Variants in RBFOX1 observed in about 807,000 individuals in gnomAD.
RBFOX1 encodes RNA binding protein fox-1 homolog 1.
In RBFOX1, 8 loss-of-function variants were observed where a neutral mutation model predicts 57.7. The observed-to-expected ratio is 0.14, with a 90% CI of 0.08 to 0.25. The LOEUF is 0.25. RBFOX1 is among the 10% of genes least tolerant of loss of function. RBFOX1 has a pLI of 1.00. For missense variants in RBFOX1, 611 were observed against 548.5 expected (o/e 1.11, Z -1.14); for synonymous variants, 326 against 222.4 (o/e 1.47, Z -4.15).
intron 9 of RBFOX1, among the ~76,000 whole-genome samples, chr16:7,602,593 A>G (rs1195654004): frequency 6.6e-6 from 1 of 152,162 alleles, no homozygotes; most frequent in African/African-American, 2.4e-5. Context: ...GGTTATCCCA[A>G]GGGTCTCTTT....
rs564244135 is a variant in RBFOX1, at chr16:7,063,058, C to G, written c.27+10960C>G. ...GTTAAAGGTTTGCTAAAAGCCAACT[C>G]TTCATCATACCCTGCAATGCCTCCC... is the stretch of plus-strand genomic sequence containing the variant. On this transcript the variant is annotated intron_variant, in intron 4 of 15. Coordinates refer to ENST00000550418, the MANE Select transcript of RBFOX1 (RefSeq NM_018723.4). Among the ~76,000 whole-genome samples the G allele has an allele frequency of 2.4e-4, 36 of 152,106 alleles. No homozygotes were observed. The South Asian group carries it at 6.2e-3, about 26-fold the overall frequency.
At chr16:6,118,303 G>T (rs916916091) in intron 1 of RBFOX1, among the ~76,000 whole-genome samples, 3 of 152,024 alleles carry the variant, frequency 2.0e-5, no homozygotes, top group Non-Finnish European at 4.4e-5. Context: ...GTCCACTCAG[G>T]CTCCTATTAT....
chr16:7,205,333 C>T (rs1464638559), intron 4 of RBFOX1, among the ~76,000 whole-genome samples: 1 of 151,930 alleles, frequency 6.6e-6, no homozygotes, highest in Non-Finnish European at 1.5e-5. Flanking sequence ...GTCTGGCCAA[C>T]ATGGTGAAAC....
chr16:6,669,840 G>C (rs2098753187), intron 3 of RBFOX1, among the ~76,000 whole-genome samples: 1 of 152,170 alleles, frequency 6.6e-6, no homozygotes, highest in African/African-American at 2.4e-5. Context: ...CTCACCATGA[G>C]CCAGGCAGGC....
At chr16:5,469,287 T>A (rs555573838) in intron 2 of RBFOX1, among the ~76,000 whole-genome samples, 1 of 152,170 alleles carries the variant, frequency 6.6e-6, no homozygotes, top group South Asian at 2.1e-4. Context: ...ACACCCCCCA[T>A]GTAGACAAGT....
intron 3 of RBFOX1, among the ~76,000 whole-genome samples, chr16:6,937,322 C>G (rs769924228): frequency 9.2e-5 from 14 of 152,148 alleles, no homozygotes; most frequent in Non-Finnish European, 8.8e-5. Flanking sequence ...CCCCGAACAA[C>G]CACCCCACAT....
At chr16:6,996,192 T>C (rs368627356) in intron 3 of RBFOX1, among the ~76,000 whole-genome samples, 1 of 152,236 alleles carries the variant, frequency 6.6e-6, no homozygotes, top group African/African-American at 2.4e-5. Flanking sequence ...AATCATTGCC[T>C]TTTTGATTTC....
At chr16:6,716,504 A>G (rs2064851075) in intron 3 of RBFOX1, among the ~76,000 whole-genome samples, 1 of 152,170 alleles carries the variant, frequency 6.6e-6, no homozygotes, top group African/African-American at 2.4e-5. Flanking sequence ...CCATTTCAGC[A>G]ACTAAAATCT....
intron 1 of RBFOX1, among the ~76,000 whole-genome samples, chr16:5,455,544 C>A (rs1320836140): frequency 1.3e-5 from 2 of 152,182 alleles, no homozygotes; most frequent in African/African-American, 4.8e-5. Context: ...TTCTTTCATT[C>A]TTACCTAAGG....
intron 3 of RBFOX1, among the ~76,000 whole-genome samples, chr16:5,787,663 C>T (rs746279042): frequency 1.1e-4 from 17 of 152,100 alleles, no homozygotes; most frequent in East Asian, 1.9e-4. Context: ...AGCTGGATCT[C>T]GCAGAGAGGG....
intron 4 of RBFOX1, among the ~76,000 whole-genome samples, chr16:7,466,259 A>G (rs186890566): frequency 1.3e-5 from 2 of 152,334 alleles, no homozygotes; most frequent in East Asian, 3.9e-4. Context: ...TATTGTACGT[A>G]CAGTTAATGT....
intron 1 of RBFOX1, among the ~76,000 whole-genome samples, chr16:5,292,136 T>G (rs2063550725): frequency 6.6e-6 from 1 of 152,240 alleles, no homozygotes; most frequent in African/African-American, 2.4e-5. Context: ...GAAAGCATAT[T>G]AAATTAATCT....
At chr16:6,836,064 C>T (rs547080713) in intron 3 of RBFOX1, among the ~76,000 whole-genome samples, 3 of 152,306 alleles carry the variant, frequency 2.0e-5, no homozygotes, top group South Asian at 4.1e-4. Flanking sequence ...CAATAGCTAG[C>T]TCAGCTCTGC....
intron 1 of RBFOX1, among the ~76,000 whole-genome samples, chr16:6,159,835 T>A (rs777849157): frequency 3.3e-5 from 5 of 152,152 alleles, no homozygotes; most frequent in African/African-American, 7.2e-5. Context: ...AAAGTAACAT[T>A]GCTTTTCCAA....
At chr16:6,592,794 C>T (rs1442348100) in intron 2 of RBFOX1, among the ~76,000 whole-genome samples, 2 of 152,130 alleles carry the variant, frequency 1.3e-5, no homozygotes, top group African/African-American at 4.8e-5. Context: ...GGCAAATGTT[C>T]CCTGGACATT....
chr16:5,837,709 T>C (rs2056505257), intron 3 of RBFOX1, among the ~76,000 whole-genome samples: 1 of 152,180 alleles, frequency 6.6e-6, no homozygotes, highest in East Asian at 1.9e-4. Flanking sequence ...TGTTTTACCT[T>C]TAGAGCTCCA....
At chr16:6,831,288 T>C (rs1490737104) in intron 3 of RBFOX1, among the ~76,000 whole-genome samples, 1 of 152,220 alleles carries the variant, frequency 6.6e-6, no homozygotes, top group Non-Finnish European at 1.5e-5. Context: ...TAGTCCAAGA[T>C]GTAAATTTAC....
chr16:5,725,509 C>T (rs34726524), intron 3 of RBFOX1, among the ~76,000 whole-genome samples: 6,678 of 151,906 alleles, frequency 0.044, 221 homozygotes, highest in Admixed American at 0.091. Context: ...AGGCAATTCT[C>T]CTACCTTAGC....
At chr16:5,268,210 A>G (rs1191651255) in intron 1 of RBFOX1, among the ~76,000 whole-genome samples, 1 of 151,874 alleles carries the variant, frequency 6.6e-6, no homozygotes, top group Non-Finnish European at 1.5e-5. Flanking sequence ...TAGAATGAAG[A>G]ACACTTTTTT....
Sources: gnomAD v4.1 joint callset for allele counts (sites outside exome capture counted in the v4.1 genomes callset) on GRCh38, gnomAD v4.1.1 for gene constraint, MANE v1.5 for transcripts, NCBI Gene and HGNC (gene_info 2026-07-23, HGNC 2026-07-21) for gene names.